MOGAT2: variants seen among roughly 807,000 people sequenced by gnomAD.
MOGAT2 encodes monoacylglycerol O-acyltransferase 2, also known as 2-acylglycerol O-acyltransferase 2.
MOGAT2 carries 27 observed loss-of-function variants against 31.5 expected under a neutral mutation model. The ratio of observed to expected loss-of-function variants is 0.86; its 90% CI spans 0.63 to 1.18. The LOEUF is 1.18. Among genes scored for constraint, MOGAT2 ranks in the 50% most tolerant of loss-of-function variants. The pLI is 0.00. For synonymous variants in MOGAT2, 163 were observed against 170.0 expected (o/e 0.96, Z 0.32); for missense variants, 436 against 433.2 (o/e 1.01, Z -0.06).
At chr11:75,724,844 C>T (rs1944407123) in intron 2 of MOGAT2, among the ~76,000 whole-genome samples, 3 of 152,126 alleles carry the variant, frequency 2.0e-5, no homozygotes, top group African/African-American at 7.2e-5. Flanking sequence ...ACACATTGTC[C>T]CCCACCTTGC....
In MOGAT2 at chr11:75,728,124, C is replaced by A. The variant is rs1429075726; in HGVS notation, c.630C>A (p.Val210=). ...TACTGCGGAACCGAAAGGGCTTCGT[C>A]AGGCTCGCCCTGACACACGGGTATC... The part of the protein sequence containing the change: ...TLLLRNRKGF[V]RLALTHGAPL... Residue 210 remains valine, a synonymous_variant, in exon 4 of 6, where the codon GTC becomes GTA. Transcript: ENST00000198801. The A allele has an allele frequency of 1.9e-6, 3 of 1,613,498 alleles. No homozygotes were observed. Among genetic ancestry groups the A allele is most frequent in the Non-Finnish European group, 2.5e-6 (3 of 1,179,796 alleles).
chr11:75,732,302 A>T lies in MOGAT2; in HGVS notation c.*1016A>T, dbSNP rs1412879174. The T allele has an allele frequency of 1.3e-5, 2 of 152,184 alleles. No homozygotes were observed. Among genetic ancestry groups the T allele is most frequent in the African/African-American group, 4.8e-5 (2 of 41,400 alleles). 9.4% of individuals were successfully genotyped at this position (152,184 alleles called of 1,614,324 possible). Reference sequence around the variant, plus strand: ...GGAGGAGCCAGGAGCAAGCATTCCCACTTCACCTTCCTCCATTCAGTCTGC... The same window carrying T: ...GGAGGAGCCAGGAGCAAGCATTCCCTCTTCACCTTCCTCCATTCAGTCTGC... On this transcript the variant is annotated 3_prime_UTR_variant, in exon 6 of 6. Coordinates refer to ENST00000198801, the MANE Select transcript of MOGAT2 (RefSeq NM_025098.4).
intron 1 of MOGAT2, chr11:75,719,319 C>T (rs1054480615): frequency 3.3e-5 from 5 of 152,414 alleles, no homozygotes; most frequent in African/African-American, 1.2e-4. Flanking sequence ...CTTTCAACAA[C>T]AAACGTCACT....
At chr11:75,725,454 A>C (rs578102495) in intron 2 of MOGAT2, among the ~76,000 whole-genome samples, 1 of 152,302 alleles carries the variant, frequency 6.6e-6, no homozygotes, top group South Asian at 2.1e-4. Context: ...AGGCTGAGGC[A>C]TAAAAATTGT....
chr11:75,731,225 T>C lies in MOGAT2; in HGVS notation c.944T>C (p.Leu315Pro), dbSNP rs1279490692. 4 of 1,614,020 alleles carry C rather than the reference T, an allele frequency of 2.5e-6. No homozygotes were observed. In the Admixed American group the frequency reaches 6.7e-5, roughly 27 times the overall value. Reference sequence around the variant, plus strand: ...CGTTATATCAAAGAGCTGTGCAACCTCTTCGAGGCCCACAAACTTAAGTTC... The same window carrying C: ...CGTTATATCAAAGAGCTGTGCAACCCCTTCGAGGCCCACAAACTTAAGTTC... Reference protein sequence around the residue: ...HQRYIKELCNLFEAHKLKFNI... With the variant: ...HQRYIKELCNPFEAHKLKFNI... Residue 315 changes from leucine (L) to proline (P), a missense_variant, in exon 6 of 6, where the codon CTC (leucine) becomes CCC (proline). By Grantham distance (98) the Leu-to-Pro change is moderately conservative. Coordinates refer to ENST00000198801, the MANE Select transcript of MOGAT2 (RefSeq NM_025098.4).
At chr11:75,730,837 C>T (rs147199417) in intron 5 of MOGAT2, among the ~76,000 whole-genome samples, 61 of 148,112 alleles carry the variant, frequency 4.1e-4, no homozygotes, top group Non-Finnish European at 6.8e-4. Context: ...TGAACCAGGA[C>T]GCAGGAGGCA....
rs375795080 is a variant in MOGAT2 at position 75,720,023 on chromosome 11, C to T, written c.123C>T (p.Leu41=). ...AEICTVGFIA[L]LFTRFWLLTV... ...TCTGCACTGTGGGCTTCATAGCCCT[C>T]CTGTTTACAAGATTCTGGCTCCTCA... The change falls in exon 2 of 6, where the codon CTC becomes CTT. Residue 41 remains leucine (L), a synonymous_variant. Transcript: ENST00000198801. 72 of 1,614,016 alleles carry T rather than the reference C, an allele frequency of 4.5e-5. No homozygotes were observed. The highest frequency in any genetic ancestry group is 5.8e-5 in the Non-Finnish European group (68 of 1,180,050).
At chr11:75,728,755 C>T (rs773581379) in intron 4 of MOGAT2, 35 bp from the exon 5 acceptor site, 75 of 1,588,910 alleles carry the variant, frequency 4.7e-5, no homozygotes, top group Non-Finnish European at 3.6e-5. Flanking sequence ...TCTCTGGGGC[C>T]TCCCACATGC....
rs893123326 is a variant in MOGAT2 at position 75,732,113 on chromosome 11, A to G, written c.*827A>G. The G allele has an allele frequency of 6.6e-6, 1 of 152,298 alleles. No homozygotes were observed. Among genetic ancestry groups the G allele is most frequent in the African/African-American group, 2.4e-5 (1 of 41,446 alleles). The allele number at this position is 152,298 out of a possible 1,614,324, so 9.4% of individuals were successfully genotyped here. A position where few individuals can be genotyped will look rare whatever the true frequency, so the allele number is the denominator to read the frequency against. On this transcript the variant is annotated 3_prime_UTR_variant, in exon 6 of 6. Coordinates refer to ENST00000198801, the MANE Select transcript of MOGAT2 (RefSeq NM_025098.4). ...AGGATCCAGCAGGAACCAGAGGATAATTTGAGGAGGGTTTAAAAAGGAACC... is the reference window on the plus strand; with the variant it reads ...AGGATCCAGCAGGAACCAGAGGATAGTTTGAGGAGGGTTTAAAAAGGAACC...
intron 4 of MOGAT2, 192 bp from the exon 5 acceptor site, chr11:75,728,594 TGCAA>T: frequency 3.3e-6 from 2 of 605,990 alleles, no homozygotes; most frequent in South Asian, 4.0e-5. Context: ...GTTGTGGCCC[TGCAA>T]GGGACCTGCC....
chr11:75,728,122 G>A lies in MOGAT2; in HGVS notation c.628G>A (p.Val210Ile), dbSNP rs149099995. The change falls in exon 4 of 6, where the codon GTC becomes ATC. Residue 210 changes from valine to isoleucine, a missense_variant. Transcript: ENST00000198801. Reference protein sequence around the residue: ...TLLLRNRKGFVRLALTHGAPL... With the variant: ...TLLLRNRKGFIRLALTHGAPL... Reference sequence around the variant, plus strand: ...GTTACTGCGGAACCGAAAGGGCTTCGTCAGGCTCGCCCTGACACACGGGTA... The same window carrying A: ...GTTACTGCGGAACCGAAAGGGCTTCATCAGGCTCGCCCTGACACACGGGTA... 5.2e-4 allele frequency: 837 copies of A among 1,613,628 alleles called. 1 individual carries two copies. The African/African-American group carries it at 9.3e-3, about 18-fold the overall frequency.
chr11:75,720,118 C>T lies in MOGAT2; in HGVS notation c.218C>T (p.Ala73Val), dbSNP rs750257125. 49 of 1,613,950 alleles carry T rather than the reference C, an allele frequency of 3.0e-5. No individual in the cohort carries two copies. The highest frequency in any genetic ancestry group is 6.7e-5 in the Admixed American group (4 of 59,990). ...KPRQGGRHIQ[A>V]IRCWTIWKYM... ...CGGCAGGGGGGCCGGCACATCCAGG[C>T]CATCAGGTGCTGGACTATATGGAAG... is the stretch of plus-strand genomic sequence containing the variant. The change falls in exon 2 of 6, where the codon GCC becomes GTC. Residue 73 changes from alanine (A) to valine (V), a missense_variant. Transcript: ENST00000198801.
chr11:75,731,220 C>A lies in MOGAT2; in HGVS notation c.939C>A (p.Cys313Ter), dbSNP rs1355805884. 1.2e-6 allele frequency: 2 copies of A among 1,614,168 alleles called. No individual in the cohort carries two copies. Reference protein sequence around the residue: ...QLHQRYIKELCNLFEAHKLKF... With the variant: ...QLHQRYIKEL The stretch of plus-strand genomic sequence containing the variant: ...ACCAGCGTTATATCAAAGAGCTGTG[C>A]AACCTCTTCGAGGCCCACAAACTTA... Residue 313 changes from cysteine (C) to a stop codon, truncating the protein, a stop_gained, in exon 6 of 6, where the codon TGC becomes TGA. Coordinates refer to ENST00000198801, the MANE Select transcript of MOGAT2 (RefSeq NM_025098.4). LOFTEE classifies it high-confidence loss of function.
intron 5 of MOGAT2, chr11:75,730,914 C>CAA (rs767670159): frequency 0.013 from 2,211 of 172,042 alleles, 21 homozygotes; most frequent in African/African-American, 0.032. Flanking sequence ...GACTCTACCT[C>CAA]AAAAAAAAAA....
chr11:75,731,409 A>G lies in MOGAT2; in HGVS notation c.*123A>G, dbSNP rs536904138. On this transcript the variant is annotated 3_prime_UTR_variant, in exon 6 of 6. Transcript: ENST00000198801. ...CCAGACTCCTGCAAATCCAACCCAT[A>G]TCAGGCTGTAAGTCAGAGCAGGCAA... The G allele has an allele frequency of 7.1e-6, 8 of 1,124,542 alleles. No homozygotes were observed. The South Asian group carries it at 9.3e-5, about 13-fold the overall frequency. 69.7% of individuals were successfully genotyped at this position (1,124,542 alleles called of 1,614,324 possible). A position where few individuals can be genotyped will look rare whatever the true frequency, so the allele number is the denominator to read the frequency against.
chr11:75,724,423 C>T (rs1407460170), intron 2 of MOGAT2, among the ~76,000 whole-genome samples: 2 of 152,124 alleles, frequency 1.3e-5, no homozygotes, highest in Non-Finnish European at 2.9e-5. Flanking sequence ...GAGGTGCAGA[C>T]CACACCTCAG....
chr11:75,723,794 T>C (rs55675329), intron 2 of MOGAT2, among the ~76,000 whole-genome samples: 3,236 of 152,234 alleles, frequency 0.021, 109 homozygotes, highest in African/African-American at 0.072. Flanking sequence ...CCCCAGAGCC[T>C]AGTAACCTGG....
At chr11:75,728,759 C>A in intron 4 of MOGAT2, 31 bp from the exon 5 acceptor site, 1 of 1,596,830 alleles carries the variant, frequency 6.3e-7, no homozygotes. Context: ...TGGGGCCTCC[C>A]ACATGCCCTC....
intron 1 of MOGAT2, among the ~76,000 whole-genome samples, chr11:75,718,565 G>C (rs561604155): frequency 1.3e-5 from 2 of 152,242 alleles, no homozygotes; most frequent in African/African-American, 4.8e-5. Flanking sequence ...TCTGCAGAAC[G>C]GGGACAACAA....
Sources: allele counts gnomAD v4.1 joint callset (sites outside exome capture counted in the v4.1 genomes callset), GRCh38; gene constraint gnomAD v4.1.1; transcripts MANE v1.5; gene names NCBI Gene and HGNC (gene_info 2026-07-23, HGNC 2026-07-21).